The following NAV2 variants were observed in gnomAD, a reference collection of about 807,000 sequenced individuals.
NAV2 encodes the protein neuron navigator 2, also known as helicase, APC down-regulated 1.
Under a neutral mutation model 223.2 loss-of-function variants are expected in NAV2, and 54 were observed. The observed-to-expected ratio is 0.24, with a 90% CI of 0.19 to 0.30. The LOEUF is 0.30. NAV2 is among the 10% of genes least tolerant of loss of function. The pLI, the probability that NAV2 is intolerant of heterozygous loss-of-function variation, is 1.00. For synonymous variants in NAV2, 1,279 were observed against 1,239.3 expected (o/e 1.03, Z -0.67); for missense variants, 2,806 against 3,147.5 (o/e 0.89, Z 2.60).
intron 11 of NAV2, among the ~76,000 whole-genome samples, chr11:20,000,812 T>TC: frequency 6.6e-6 from 1 of 152,074 alleles, no homozygotes; most frequent in Non-Finnish European, 1.5e-5. Context: ...ACGCTTCCTC[T>TC]CCCTCCCTCA....
chr11:19,690,713 T>G (rs779761529), intron 1 of NAV2, among the ~76,000 whole-genome samples: 6 of 152,118 alleles, frequency 3.9e-5, no homozygotes, highest in African/African-American at 9.7e-5. Flanking sequence ...CTAGAAATCT[T>G]GGTAAAAGGA....
chr11:19,988,767 C>G (rs1197622753), intron 11 of NAV2, among the ~76,000 whole-genome samples: 1 of 152,104 alleles, frequency 6.6e-6, no homozygotes, highest in African/African-American at 2.4e-5. Context: ...GGTATTTGAG[C>G]AGCCTGCCAA....
intron 1 of NAV2, among the ~76,000 whole-genome samples, chr11:19,772,754 A>G (rs1313300552): frequency 1.3e-5 from 2 of 152,164 alleles, no homozygotes; most frequent in Non-Finnish European, 2.9e-5. Flanking sequence ...GTCAGCCCAC[A>G]TCATGCATGG....
intron 26 of NAV2, among the ~76,000 whole-genome samples, chr11:20,088,961 A>G (rs769598044): frequency 9.9e-5 from 15 of 152,006 alleles, no homozygotes; most frequent in Non-Finnish European, 2.1e-4. Context: ...TCTTCTCAAG[A>G]TAGAACCAGT....
chr11:19,584,885 T>A (rs1426813162), intron 1 of NAV2, among the ~76,000 whole-genome samples: 1 of 152,238 alleles, frequency 6.6e-6, no homozygotes, highest in Non-Finnish European at 1.5e-5. Context: ...TCTGTAGATG[T>A]CTATTGGGTC....
At chr11:19,486,267 C>T (rs1407510456) in intron 1 of NAV2, among the ~76,000 whole-genome samples, 2 of 152,106 alleles carry the variant, frequency 1.3e-5, no homozygotes, top group Non-Finnish European at 2.9e-5. Flanking sequence ...TTTATAGTCT[C>T]TTCCTGGGAC....
chr11:19,603,645 A>G (rs538615637), intron 1 of NAV2, among the ~76,000 whole-genome samples: 296 of 151,542 alleles, frequency 2.0e-3, no homozygotes, highest in Non-Finnish European at 3.8e-3. Flanking sequence ...AAAAAAAAAA[A>G]AAAAGAAAAA....
Position 20,101,031 on chromosome 11 carries a change from T to C in NAV2, c.6276T>C (p.Arg2092=). ...QRYVSLLIEH[R]RIILSGPSGT... is the part of the protein sequence containing the mutation. ...ACGTCTCCCTCCTGATAGAGCACCG[T>C]CGGATCATTCTCTCTGGCCCCAGCG... The change falls in exon 32 of 38, where the codon CGT becomes CGC. Residue 2092 remains arginine (R), a synonymous_variant. Coordinates refer to ENST00000349880, the MANE Select transcript of NAV2 (RefSeq NM_145117.5). 1 of 1,614,080 alleles carries C rather than the reference T, an allele frequency of 6.2e-7. No individual in the cohort carries two copies. Among genetic ancestry groups the C allele is most frequent in the South Asian group, 1.1e-5 (1 of 91,066 alleles).
chr11:19,588,662 G>A (rs531868640), intron 1 of NAV2, among the ~76,000 whole-genome samples: 66 of 152,292 alleles, frequency 4.3e-4, no homozygotes, highest in Non-Finnish European at 8.5e-4. Flanking sequence ...ACTGGAGGCA[G>A]AATGAAAAAG....
intron 4 of NAV2, 147 bp from the exon 5 acceptor site, chr11:19,879,722 C>A (rs1030159503): frequency 1.1e-5 from 10 of 924,094 alleles, no homozygotes; most frequent in Non-Finnish European, 1.5e-5. Flanking sequence ...GTGGTATAGG[C>A]CTGATTTTAA....
chr11:19,894,595 C>T (rs2041797660), intron 6 of NAV2, among the ~76,000 whole-genome samples: 3 of 152,314 alleles, frequency 2.0e-5, no homozygotes, highest in Admixed American at 6.5e-5. Flanking sequence ...CTGACCCTGC[C>T]CTGGGCAAAG....
chr11:19,561,942 T>C (rs1306902676), intron 1 of NAV2, among the ~76,000 whole-genome samples: 1 of 151,984 alleles, frequency 6.6e-6, no homozygotes, highest in Non-Finnish European at 1.5e-5. Context: ...AGGGCTGAGG[T>C]CTCCAACATT....
chr11:19,814,857 T>C (rs2403534), intron 1 of NAV2, among the ~76,000 whole-genome samples: 72,957 of 151,978 alleles, frequency 0.48, 19,903 homozygotes, highest in Middle Eastern at 0.63. Flanking sequence ...TGCTGTAGTT[T>C]ACCCTCCCCT....
rs527738077 is a variant in NAV2, at chr11:19,885,163, A to G, written c.770+5036A>G. Among the ~76,000 whole-genome samples, 51 of 152,330 alleles carry G rather than the reference A, an allele frequency of 3.3e-4. 1 individual carries two copies. Among genetic ancestry groups the G allele is most frequent in the African/African-American group, 1.2e-3 (51 of 41,564 alleles). On this transcript the variant is annotated intron_variant, in intron 5 of 37. Transcript: ENST00000349880. ...AAATGTGTCATCTTATATCATCCTCATGCCAGGCTTCATGAGGTAGGTCAT... is the reference window on the plus strand; with the variant it reads ...AAATGTGTCATCTTATATCATCCTCGTGCCAGGCTTCATGAGGTAGGTCAT...
chr11:19,602,214 G>T (rs1328834798), intron 1 of NAV2, among the ~76,000 whole-genome samples: 1 of 127,872 alleles, frequency 7.8e-6, no homozygotes, highest in African/African-American at 3.1e-5. Context: ...GTCTCGCTCT[G>T]TTGCCCAGGC....
chr11:19,415,273 A>T (rs1850317576), intron 1 of NAV2, among the ~76,000 whole-genome samples: 1 of 152,220 alleles, frequency 6.6e-6, no homozygotes, highest in Non-Finnish European at 1.5e-5. Flanking sequence ...ATCACTACTG[A>T]TCTTACAGAA....
intron 1 of NAV2, among the ~76,000 whole-genome samples, chr11:19,468,761 C>T (rs1219925718): frequency 6.6e-6 from 1 of 152,026 alleles, no homozygotes; most frequent in African/African-American, 2.4e-5. Flanking sequence ...AATTTGGAAG[C>T]TATTATTATT....
intron 1 of NAV2, among the ~76,000 whole-genome samples, chr11:19,583,171 C>G (rs1350872510): frequency 6.6e-6 from 1 of 152,164 alleles, no homozygotes; most frequent in Non-Finnish European, 1.5e-5. Context: ...TGATTTTGCT[C>G]TCTGTTTCTC....
At chr11:19,674,069 G>A (rs1292372185) in intron 1 of NAV2, among the ~76,000 whole-genome samples, 1 of 152,186 alleles carries the variant, frequency 6.6e-6, no homozygotes, top group East Asian at 1.9e-4. Context: ...CGTCAGTCCT[G>A]GGCTGTGCAG....
Sources: allele counts gnomAD v4.1 joint callset (sites outside exome capture counted in the v4.1 genomes callset), GRCh38; gene constraint gnomAD v4.1.1; transcripts MANE v1.5; gene names NCBI Gene and HGNC (gene_info 2026-07-23, HGNC 2026-07-21).